The following TMIGD3 variants were observed in gnomAD, a reference collection of about 807,000 sequenced individuals.
The protein encoded by TMIGD3 is AD026 protein (AD026).
Under a neutral mutation model 28.1 loss-of-function variants are expected in TMIGD3, and 21 were observed. The ratio of observed to expected loss-of-function variants is 0.75; its 90% CI spans 0.53 to 1.08. The LOEUF is 1.08. Among genes scored for constraint, TMIGD3 ranks in the 50% least tolerant of loss-of-function variants. TMIGD3 has a pLI of 0.00. For missense variants in TMIGD3, 416 were observed against 435.6 expected (o/e 0.96, Z 0.40); for synonymous variants, 151 against 162.1 (o/e 0.93, Z 0.52).
chr1:111,553,562 T>G lies in TMIGD3; in HGVS notation c.107+10284A>C, dbSNP rs373472470. Among the ~76,000 whole-genome samples, 5 of 152,344 alleles carry G rather than the reference T, an allele frequency of 3.3e-5. No individual in the cohort carries two copies. The East Asian group carries it at 5.8e-4, about 18-fold the overall frequency. On this transcript the variant is annotated intron_variant, in intron 1 of 5. Transcript: ENST00000369717. ...TAGCCGGTATGCTGTTACAAAGGTA[T>G]CTTCCTTAAACCTAATTTCTACTGG...
chr1:111,530,623 C>G (rs528023740), intron 1 of TMIGD3, among the ~76,000 whole-genome samples: 1 of 152,230 alleles, frequency 6.6e-6, no homozygotes, highest in East Asian at 1.9e-4. Flanking sequence ...CTTTCAGTAC[C>G]TTAAAGATGT....
chr1:111,510,902 G>GA (rs1457508078), intron 1 of TMIGD3, among the ~76,000 whole-genome samples: 2 of 152,100 alleles, frequency 1.3e-5, no homozygotes, highest in Non-Finnish European at 2.9e-5. Context: ...TGGCAAAAGA[G>GA]AAAAAACTGA....
chr1:111,550,939 A>G (rs895712813), intron 1 of TMIGD3, among the ~76,000 whole-genome samples: 10 of 152,212 alleles, frequency 6.6e-5, no homozygotes, highest in East Asian at 5.8e-4. Flanking sequence ...TATCATTGTT[A>G]TATCTTCATA....
At chr1:111,487,221 G>T (rs1341284783) in intron 3 of TMIGD3, among the ~76,000 whole-genome samples, 1 of 152,190 alleles carries the variant, frequency 6.6e-6, no homozygotes, top group African/African-American at 2.4e-5. Context: ...ACGTTCTCTT[G>T]TCTGAGCCTA....
intron 1 of TMIGD3, among the ~76,000 whole-genome samples, chr1:111,524,047 T>TGAGG (rs1656175061): frequency 7.7e-6 from 1 of 130,288 alleles, no homozygotes; most frequent in African/African-American, 2.7e-5. Flanking sequence ...TTTTTTTTTT[T>TGAGG]GGGATGGAAT....
At chr1:111,498,061 T>G (rs1322147508) in intron 1 of TMIGD3, among the ~76,000 whole-genome samples, 1 of 151,994 alleles carries the variant, frequency 6.6e-6, no homozygotes, top group Non-Finnish European at 1.5e-5. Flanking sequence ...TACCACAAAT[T>G]AGAGGGGAAA....
At chr1:111,524,826 GC>G (rs1457455175) in intron 1 of TMIGD3, among the ~76,000 whole-genome samples, 1 of 151,936 alleles carries the variant, frequency 6.6e-6, no homozygotes, top group Admixed American at 6.6e-5. Context: ...CACCATGTTG[GC>G]CAGGCTAGTC....
At chr1:111,527,206 T>G (rs1241167568) in intron 1 of TMIGD3, among the ~76,000 whole-genome samples, 1 of 152,004 alleles carries the variant, frequency 6.6e-6, no homozygotes, top group Non-Finnish European at 1.5e-5. Context: ...GAGACAGGGT[T>G]TCACCATGTT....
At chr1:111,527,027 T>TC (rs1656289402) in intron 1 of TMIGD3, among the ~76,000 whole-genome samples, 2 of 149,016 alleles carry the variant, frequency 1.3e-5, no homozygotes, top group South Asian at 4.3e-4. Flanking sequence ...TTTTTTTTTT[T>TC]TGAGACTGAG....
intron 1 of TMIGD3, among the ~76,000 whole-genome samples, chr1:111,516,584 C>G (rs1655876607): frequency 6.6e-6 from 1 of 152,220 alleles, no homozygotes; most frequent in South Asian, 2.1e-4. Flanking sequence ...ACACAGGACA[C>G]ACAATGACAC....
In TMIGD3 at chr1:111,509,122, C is replaced by T. The variant is rs562626740; in HGVS notation, c.108-18360G>A. Among the ~76,000 whole-genome samples the T allele has an allele frequency of 5.1e-4, 77 of 152,324 alleles. 1 individual carries two copies. The highest frequency in any genetic ancestry group is 2.4e-3 in the Admixed American group (37 of 15,304). ...ACAAACAAACAAACAAAAGCAGCAC[C>T]AGGATGGGAGCCCAGCTCCTGGTCT... On this transcript the variant is annotated intron_variant, in intron 1 of 5. Transcript: ENST00000369717.
At chr1:111,514,463 C>G (rs552040389) in intron 1 of TMIGD3, among the ~76,000 whole-genome samples, 1 of 152,138 alleles carries the variant, frequency 6.6e-6, no homozygotes, top group African/African-American at 2.4e-5. Flanking sequence ...CTTGGGAAGT[C>G]AGGGAGGTCA....
In TMIGD3 at chr1:111,488,743, C is replaced by T. The variant is rs771545947; in HGVS notation, c.739G>A (p.Asp247Asn). ...IQRDFARDDM[D>N]FTELIVTDDK... ...TCAGTTACAATCAGCTCTGTAAAAT[C>T]CATGTCATCCCTGGCAAAGTCCCGC... The change falls in exon 3 of 6, where the codon GAT becomes AAT. Residue 247 changes from aspartate to asparagine, a missense_variant. Coordinates refer to ENST00000369716, the MANE Select transcript of TMIGD3 (RefSeq NM_020683.7). 6.2e-7 allele frequency: 1 copy of T among 1,614,198 alleles called. No individual in the cohort carries two copies. The highest frequency in any genetic ancestry group is 8.5e-7 in the Non-Finnish European group (1 of 1,180,034).
At chr1:111,506,926 T>TATACAC (rs1553201738), upstream of TMIGD3, among the ~76,000 whole-genome samples, 4 of 134,848 alleles carry the variant, frequency 3.0e-5, no homozygotes, top group South Asian at 2.4e-4. Context: ...TATATATATA[T>TATACAC]ACACACACAC....
chr1:111,529,342 AC>A (rs1377866182), intron 1 of TMIGD3, among the ~76,000 whole-genome samples: 3 of 150,944 alleles, frequency 2.0e-5, no homozygotes, highest in Non-Finnish European at 4.4e-5. Context: ...ACCATTGTCA[AC>A]CCCATGGATA....
At chr1:111,517,905 TC>T (rs1189216198) in intron 1 of TMIGD3, among the ~76,000 whole-genome samples, 1 of 152,208 alleles carries the variant, frequency 6.6e-6, no homozygotes, top group Non-Finnish European at 1.5e-5. Flanking sequence ...TCATAATGAC[TC>T]CCCAGTAATA....
Position 111,486,668 on chromosome 1 carries a change from TTTG to T in TMIGD3, c.806-19_806-17del, listed in dbSNP as rs369166367. ...CCTGATAGGTCTGAATCAGAAAGGA[TTTG>T]TTAAGTCAGGTGAGGCCCATAGCCA... is the stretch of plus-strand genomic sequence containing the variant. On this transcript the variant is annotated splice_polypyrimidine_tract_variant and intron_variant, in intron 3 of 5. Coordinates refer to ENST00000369716, the MANE Select transcript of TMIGD3 (RefSeq NM_020683.7). 3.0e-5 allele frequency: 48 copies of T among 1,612,890 alleles called. No individual in the cohort carries two copies. In the East Asian group the frequency reaches 1.1e-3, roughly 36 times the overall value.
At chr1:111,490,393 A>T in intron 2 of TMIGD3, 1 of 465,184 alleles carries the variant, frequency 2.1e-6, no homozygotes. Context: ...TATCATTCTA[A>T]TTTCAGTATA....
At chr1:111,497,657 AAG>A (rs961159988) in intron 1 of TMIGD3, among the ~76,000 whole-genome samples, 2 of 152,150 alleles carry the variant, frequency 1.3e-5, no homozygotes, top group African/African-American at 4.8e-5. Context: ...AAAAGAAAAA[AAG>A]AGAGAGAGAG....
Sources: gnomAD v4.1 joint callset for allele counts (sites outside exome capture counted in the v4.1 genomes callset) on GRCh38, gnomAD v4.1.1 for gene constraint, MANE v1.5 for transcripts, NCBI Gene and HGNC (gene_info 2026-07-23, HGNC 2026-07-21) for gene names.